The following C14orf39 variants were observed in gnomAD, a reference collection of about 807,000 sequenced individuals.
The protein encoded by C14orf39 is protein SIX6OS1.
C14orf39 carries 66 observed loss-of-function variants against 85.6 expected under a neutral mutation model. That is an observed-to-expected ratio of 0.77 (90% confidence interval 0.63 to 0.95). C14orf39 has a LOEUF of 0.95. C14orf39 is among the 40% of genes least tolerant of loss of function. C14orf39 has a pLI of 0.00. For missense variants in C14orf39, 735 were observed against 663.9 expected, an observed-to-expected ratio of 1.11 and a Z score of -1.18; for synonymous variants, 242 against 214.0, an observed-to-expected ratio of 1.13 and a Z score of -1.14.
chr14:60,484,763 G>A lies in C14orf39; in HGVS notation c.106+118C>T. 1 of 690,378 alleles carries A rather than the reference G, an allele frequency of 1.4e-6. No individual in the cohort carries two copies. Among genetic ancestry groups the A allele is most frequent in the South Asian group, 1.9e-5 (1 of 53,672 alleles). 42.8% of individuals were successfully genotyped at this position (690,378 alleles called of 1,614,324 possible). On this transcript the variant is annotated intron_variant, in intron 3 of 17. Transcript: ENST00000321731. The surrounding 1 kb of genome is among the most constrained non-coding windows in gnomAD (Gnocchi z 4.2). ...GGTAAATAGTTTATTTGTCGCTAGAGAGAACTGACACAAAAGTTATAACGC... is the reference window on the plus strand; with the variant it reads ...GGTAAATAGTTTATTTGTCGCTAGAAAGAACTGACACAAAAGTTATAACGC...
At chr14:60,462,201 C>T (rs1209096056) in intron 11 of C14orf39, among the ~76,000 whole-genome samples, 1 of 151,730 alleles carries the variant, frequency 6.6e-6, no homozygotes, top group East Asian at 1.9e-4. Context: ...ATAGTGAGAC[C>T]CCATCTCTAC....
intron 16 of C14orf39, among the ~76,000 whole-genome samples, chr14:60,443,462 G>T (rs911281343): frequency 1.3e-5 from 2 of 152,166 alleles, no homozygotes; most frequent in African/African-American, 4.8e-5. Flanking sequence ...CTGCAGCCTG[G>T]CAGGGGGAGG....
At chr14:60,509,035 G>T in intron 1 of C14orf39, 1 of 301,648 alleles carries the variant, frequency 3.3e-6, no homozygotes, top group South Asian at 3.8e-5. Context: ...TGTCGAGCAC[G>T]GGGAGGTGCT....
chr14:60,452,277 GA>G (rs1459908089), intron 16 of C14orf39, among the ~76,000 whole-genome samples: 2 of 151,578 alleles, frequency 1.3e-5, no homozygotes, highest in Non-Finnish European at 2.9e-5. Flanking sequence ...CACCATCAGA[GA>G]AAATCATCTT....
At chr14:60,493,038 G>T (rs928139623) in intron 2 of C14orf39, among the ~76,000 whole-genome samples, 1 of 152,126 alleles carries the variant, frequency 6.6e-6, no homozygotes, top group Admixed American at 6.5e-5. Context: ...ACTGAATTAT[G>T]TCACCTAATA....
intron 1 of C14orf39, 106 bp from the exon 2 acceptor site, chr14:60,485,192 T>C: frequency 3.2e-6 from 3 of 925,588 alleles, no homozygotes; most frequent in Non-Finnish European, 1.6e-6. Flanking sequence ...CAGGAACATG[T>C]GGGCAGAGCC....
chr14:60,494,212 G>T, intron 2 of C14orf39: 1 of 244,496 alleles, frequency 4.1e-6, no homozygotes, highest in Non-Finnish European at 8.4e-6. Context: ...ACAAAAACAA[G>T]AACATCCATG....
chr14:60,465,150 C>A lies in C14orf39; in HGVS notation c.972+829G>T, dbSNP rs116334591. Reference sequence around the variant, plus strand: ...GTAAACTTTTATTTTTCTCATTTATCTTTCCACCCTTATCACATATTGACA... The same window carrying A: ...GTAAACTTTTATTTTTCTCATTTATATTTCCACCCTTATCACATATTGACA... On this transcript the variant is annotated intron_variant, in intron 11 of 17. Transcript: ENST00000321731. 6.9e-3 allele frequency among the ~76,000 whole-genome samples: 1,053 copies of A among 152,212 alleles called. 13 individuals are homozygous for A. The highest frequency in any genetic ancestry group is 0.024 in the African/African-American group (982 of 41,544).
intron 16 of C14orf39, among the ~76,000 whole-genome samples, chr14:60,450,797 CAGAG>C (rs1041922674): frequency 6.6e-6 from 1 of 152,102 alleles, no homozygotes; most frequent in Non-Finnish European, 1.5e-5. Context: ...CAGCTCAGCA[CAGAG>C]AGAGAGGCTC....
chr14:60,502,679 A>G (rs1893162981), intron 1 of C14orf39, among the ~76,000 whole-genome samples: 1 of 152,214 alleles, frequency 6.6e-6, no homozygotes, highest in Non-Finnish European at 1.5e-5. Flanking sequence ...TCTGTCCCTT[A>G]ATTTTTTTCT....
At chr14:60,438,252 GGACA>G (rs1297328711) in intron 17 of C14orf39, among the ~76,000 whole-genome samples, 1 of 152,010 alleles carries the variant, frequency 6.6e-6, no homozygotes, top group African/African-American at 2.4e-5. Context: ...ATGGATGGAT[GGACA>G]GACAGATGGA....
chr14:60,454,937 C>A lies in C14orf39; in HGVS notation c.1503+64G>T, dbSNP rs1206343867. ...CCCAAGACAGTTTTGTATTAAAGAA[C>A]TAAAATTACTCAAAGTTTCACAGCA... On this transcript the variant is annotated intron_variant, in intron 16 of 17. Coordinates refer to ENST00000321731, the MANE Select transcript of C14orf39 (RefSeq NM_174978.3). The A allele has an allele frequency of 3.1e-6, 4 of 1,309,704 alleles. No individual in the cohort carries two copies. The East Asian group carries it at 8.1e-5, about 27-fold the overall frequency. The allele number at this position is 1,309,704 out of a possible 1,614,324, so 81.1% of individuals were successfully genotyped here.
At chr14:60,461,487 T>A in intron 12 of C14orf39, 21 bp downstream of exon 12, 1 of 1,573,350 alleles carries the variant, frequency 6.4e-7, no homozygotes, top group Non-Finnish European at 8.6e-7. Context: ...ATTAAAGCAT[T>A]TTCTTATTTT....
chr14:60,503,539 TTAAC>T (rs1193277632), intron 1 of C14orf39, among the ~76,000 whole-genome samples: 4 of 152,224 alleles, frequency 2.6e-5, no homozygotes, highest in Non-Finnish European at 4.4e-5. Context: ...ATCTCTGCCA[TTAAC>T]TAACTGTGCA....
At chr14:60,450,311 T>A (rs1237396179) in intron 16 of C14orf39, among the ~76,000 whole-genome samples, 1 of 152,104 alleles carries the variant, frequency 6.6e-6, no homozygotes, top group Non-Finnish European at 1.5e-5. Context: ...AAGGGTGAGA[T>A]CCCATGCCTG....
intron 4 of C14orf39, 44 bp from the exon 5 acceptor site, chr14:60,478,433 A>G: frequency 1.0e-6 from 1 of 977,382 alleles, no homozygotes; most frequent in East Asian, 2.6e-5. Context: ...CAGAATGATA[A>G]ACAAATTGAT....
Position 60,461,979 on chromosome 14 carries a change from C to T in C14orf39, c.973-386G>A, listed in dbSNP as rs578084478. Among the ~76,000 whole-genome samples, 5 of 152,144 alleles carry T rather than the reference C, an allele frequency of 3.3e-5. No individual in the cohort carries two copies. In the East Asian group the frequency reaches 7.7e-4, roughly 24 times the overall value. On this transcript the variant is annotated intron_variant, in intron 11 of 17. Transcript: ENST00000321731. ...TCTCTATAACCTCTCAAATTTAACA[C>T]AGGAAAGCAAAACAACAGATTAAAA...
Position 60,461,606 on chromosome 14 carries a change from A to G in C14orf39, c.973-13T>C. Reference sequence around the variant, plus strand: ...AGTCATTAAATATCTGAAAGAAAGAAATTAAGCATCTGACTTGGCTACACA... The same window carrying G: ...AGTCATTAAATATCTGAAAGAAAGAGATTAAGCATCTGACTTGGCTACACA... On this transcript the variant is annotated splice_polypyrimidine_tract_variant and intron_variant, in intron 11 of 17. Coordinates refer to ENST00000321731, the MANE Select transcript of C14orf39 (RefSeq NM_174978.3). The G allele has an allele frequency of 6.6e-7, 1 of 1,514,158 alleles. No homozygotes were observed. The highest frequency in any genetic ancestry group is 8.9e-7 in the Non-Finnish European group (1 of 1,128,686). The allele number at this position is 1,514,158 out of a possible 1,614,324, so 93.8% of individuals were successfully genotyped here.
At chr14:60,507,319 C>T (rs1331079184) in intron 1 of C14orf39, among the ~76,000 whole-genome samples, 2 of 152,298 alleles carry the variant, frequency 1.3e-5, no homozygotes, top group East Asian at 1.9e-4. Context: ...TTTTCTGCAC[C>T]GCGGATTCTC....
Sources: gnomAD v4.1 joint callset for allele counts (sites outside exome capture counted in the v4.1 genomes callset) on GRCh38, gnomAD v4.1.1 for gene constraint, Gnocchi (gnomAD v3.1) non-coding constraint, MANE v1.5 for transcripts, NCBI Gene and HGNC (gene_info 2026-07-23, HGNC 2026-07-21) for gene names.